PSORS1C2: variants seen among roughly 807,000 people sequenced by gnomAD.
PSORS1C2 encodes psoriasis susceptibility 1 candidate 2, also known as psoriasis susceptibility 1 candidate gene 2 protein.
A neutral mutation model predicts 12.2 loss-of-function variants in PSORS1C2; 13 were observed. That is an observed-to-expected ratio of 1.07 (90% CI 0.70 to 1.70). The LOEUF is 1.70. Among genes scored for constraint, PSORS1C2 ranks in the 40% most tolerant of loss-of-function variants. PSORS1C2 has a pLI of 0.00. For synonymous variants in PSORS1C2, 76 were observed against 69.2 expected (o/e 1.10, Z -0.49); for missense variants, 186 against 173.4 (o/e 1.07, Z -0.41).
At chr6:31,138,865 C>T (rs1773306032) in intron 1 of PSORS1C2, 107 bp downstream of exon 1, 2 of 1,603,280 alleles carry the variant, frequency 1.2e-6, no homozygotes, top group East Asian at 4.5e-5. Flanking sequence ...GCACCTTCTG[C>T]GTCCCCTGAA....
At position 31,138,459 on chromosome 6, in the gene PSORS1C2, G is replaced by A. The variant is rs79592231; in HGVS notation, c.56-153C>T. ...AAAAAGTCACTCTCAAAGAGCTCTC[G>A]GTAGGTTTGTAAATACTTAACTGAT... is the stretch of plus-strand genomic sequence containing the variant. On this transcript the variant is annotated intron_variant, in intron 1 of 1. Transcript: ENST00000259845. 13,783 of 1,612,554 alleles carry A rather than the reference G, an allele frequency of 8.5e-3. 589 individuals are homozygous for A. The highest frequency in any genetic ancestry group is 0.079 in the East Asian group (3,551 of 44,852).
intron 1 of PSORS1C2, chr6:31,138,760 G>C (rs767159484): frequency 1.2e-6 from 2 of 1,614,058 alleles, no homozygotes; most frequent in South Asian, 2.2e-5. Context: ...TTGCCACATG[G>C]AGCCAGCAAA....
rs1389510582 is a variant in PSORS1C2, at chr6:31,138,068, G to A, written c.294C>T (p.Asp98=). The A allele has an allele frequency of 1.9e-6, 3 of 1,545,260 alleles. No individual in the cohort carries two copies. Among genetic ancestry groups the A allele is most frequent in the Non-Finnish European group, 2.6e-6 (3 of 1,148,736 alleles). The part of the protein sequence containing the change: ...RTDPPQPPRP[D]DPWPAGPQPP... Reference sequence around the variant, plus strand: ...GCTGGGGTCCTGCCGGCCAAGGGTCGTCAGGCCGGGGAGGTTGAGGAGGAT... The same window carrying A: ...GCTGGGGTCCTGCCGGCCAAGGGTCATCAGGCCGGGGAGGTTGAGGAGGAT... The change falls in exon 2 of 2, where the codon GAC becomes GAT. Residue 98 remains aspartate, a synonymous_variant. Transcript: ENST00000259845.
Position 31,137,574 on chromosome 6 carries a change from A to G in PSORS1C2, c.*377T>C, listed in dbSNP as rs1773204633. ...TTTTATTTTTCCGTTTCATGGAAGC[A>G]GCAGCTGTCTACTGATAGTTCCTGC... On this transcript the variant is annotated 3_prime_UTR_variant, in exon 2 of 2. Coordinates refer to ENST00000259845, the MANE Select transcript of PSORS1C2 (RefSeq NM_014069.3). 3.6e-6 allele frequency: 1 copy of G among 278,890 alleles called. No individual in the cohort carries two copies. Among genetic ancestry groups the G allele is most frequent in the African/African-American group, 2.2e-5 (1 of 45,868 alleles). 17.3% of individuals were successfully genotyped at this position (278,890 alleles called of 1,614,324 possible). A position where few individuals can be genotyped will look rare whatever the true frequency, so the allele number is the denominator to read the frequency against.
At chr6:31,138,786 G>A (rs779284063) in intron 1 of PSORS1C2, 186 bp downstream of exon 1, 12 of 1,613,974 alleles carry the variant, frequency 7.4e-6, no homozygotes, top group African/African-American at 1.3e-5. Flanking sequence ...TCTGGTGAGA[G>A]CCAAATGCAC....
At chr6:31,138,806 C>T in intron 1 of PSORS1C2, 166 bp downstream of exon 1, 1 of 1,613,998 alleles carries the variant, frequency 6.2e-7, no homozygotes, top group Non-Finnish European at 8.5e-7. Flanking sequence ...CCTTCTGCAC[C>T]ATGTCCCCCA....
intron 1 of PSORS1C2, chr6:31,138,537 C>A: frequency 6.2e-7 from 1 of 1,604,390 alleles, no homozygotes; most frequent in Non-Finnish European, 8.5e-7. Flanking sequence ...TTCACTTGAC[C>A]CACTTTAAAC....
Position 31,138,242 on chromosome 6 carries a change from G to A in PSORS1C2, c.120C>T (p.Ser40=). 6.4e-7 allele frequency: 1 copy of A among 1,567,826 alleles called. No homozygotes were observed. The highest frequency in any genetic ancestry group is 8.6e-7 in the Non-Finnish European group (1 of 1,158,368). The part of the protein sequence containing the change: ...PPAEDREEAG[S]PTLPQGPPVP... The stretch of plus-strand genomic sequence containing the variant: ...CTGGGGGGCCCTGAGGCAATGTTGG[G>A]GAGCCTGCCTCCTCTCGGTCCTCTG... The change falls in exon 2 of 2, where the codon TCC becomes TCT. Residue 40 remains serine (S), a synonymous_variant. Transcript: ENST00000259845.
chr6:31,137,959 A>C lies in PSORS1C2; in HGVS notation c.403T>G (p.Tyr135Asp). 1 of 1,483,250 alleles carries C rather than the reference A, an allele frequency of 6.7e-7. No homozygotes were observed. Among genetic ancestry groups the C allele is most frequent in the African/African-American group, 1.4e-5 (1 of 70,666 alleles). 91.9% of individuals were successfully genotyped at this position (1,483,250 alleles called of 1,614,324 possible). A position where few individuals can be genotyped will look rare whatever the true frequency, so the allele number is the denominator to read the frequency against. The stretch of plus-strand genomic sequence containing the variant: ...CGGCTGAGGGGACTCCATTATCTGT[A>C]CTCTTCCCGGGGTGGGTCTAGGTCT... ...EPDLDPPREE[Y>D]R Residue 135 changes from tyrosine (Y) to aspartate (D), a missense_variant, in exon 2 of 2, where the codon TAC becomes GAC. Physicochemically the swap from Tyr to Asp is radical, Grantham distance 160. Transcript: ENST00000259845.
At chr6:31,138,552 C>A in intron 1 of PSORS1C2, 1 of 1,607,036 alleles carries the variant, frequency 6.2e-7, no homozygotes, top group Non-Finnish European at 8.5e-7. Context: ...TTAAACTGAC[C>A]AGACTTCTCC....
intron 1 of PSORS1C2, 51 bp from the exon 2 acceptor site, chr6:31,138,357 A>AC: frequency 6.6e-7 from 1 of 1,525,880 alleles, no homozygotes; most frequent in Non-Finnish European, 9.1e-7. Flanking sequence ...TTCTCTCCCC[A>AC]GCCCCACCCA....
At chr6:31,138,593 A>C (rs1177447808) in intron 1 of PSORS1C2, 1 of 1,611,186 alleles carries the variant, frequency 6.2e-7, no homozygotes, top group South Asian at 1.1e-5. Context: ...TGGTTGGGGT[A>C]CCCCACTAGC....
chr6:31,138,486 G>A, intron 1 of PSORS1C2, 180 bp from the exon 2 acceptor site: 1 of 1,612,258 alleles, frequency 6.2e-7, no homozygotes, highest in South Asian at 1.1e-5. Context: ...TTAACTGATG[G>A]TAAAATGTCA....
intron 1 of PSORS1C2, chr6:31,138,586 T>C: frequency 6.2e-7 from 1 of 1,609,034 alleles, no homozygotes; most frequent in Admixed American, 1.7e-5. Context: ...CCACCCCTGG[T>C]TGGGGTACCC....
chr6:31,138,416 T>A lies in PSORS1C2; in HGVS notation c.56-110A>T, dbSNP rs759581361. On this transcript the variant is annotated intron_variant, in intron 1 of 1. Transcript: ENST00000259845. ...CTGTCTGGATGGACGCAGCCTGAAC[T>A]GACCCACAAACAGACCAAAAAAGTC... is the stretch of plus-strand genomic sequence containing the variant. The A allele has an allele frequency of 5.4e-6, 8 of 1,491,920 alleles. No homozygotes were observed. In the South Asian group the frequency reaches 5.6e-5, roughly 10 times the overall value. 92.4% of individuals were successfully genotyped at this position (1,491,920 alleles called of 1,614,324 possible).
chr6:31,138,147 G>C lies in PSORS1C2; in HGVS notation c.215C>G (p.Pro72Arg). 6.2e-7 allele frequency: 1 copy of C among 1,604,692 alleles called. No homozygotes were observed. The highest frequency in any genetic ancestry group is 1.1e-5 in the South Asian group (1 of 89,886). ...EDPPPTRPSR[P>R]WRDLPETGVW... ...TCCAGTTTCAGGCAGGTCTCTCCAG[G>C]GACGACTGGGGCGGGTAGGCGGAGG... Residue 72 changes from proline (P) to arginine (R), a missense_variant, in exon 2 of 2, where the codon CCC becomes CGC. Transcript: ENST00000259845.
Position 31,138,104 on chromosome 6 carries a change from C to G in PSORS1C2, c.258G>C (p.Pro86=). 1 of 1,600,886 alleles carries G rather than the reference C, an allele frequency of 6.2e-7. No homozygotes were observed. The highest frequency in any genetic ancestry group is 1.3e-5 in the African/African-American group (1 of 74,458). The change falls in exon 2 of 2, where the codon CCG becomes CCC. Residue 86 remains proline (P), a synonymous_variant. Coordinates refer to ENST00000259845, the MANE Select transcript of PSORS1C2 (RefSeq NM_014069.3). ...LPETGVWLPE[P]PRTDPPQPPR... is the part of the protein sequence containing the mutation. ...GAGGTTGAGGAGGATCCGTTCTAGG[C>G]GGTTCAGGGAGCCAGACTCCAGTTT...
Position 31,138,268 on chromosome 6 carries a change from C to A in PSORS1C2, c.94G>T (p.Ala32Ser), listed in dbSNP as rs1212450518. ...GAGCCTGCCTCCTCTCGGTCCTCTG[C>A]GGGTGGGTGAGAGGGGTGGCCCTCG... ...GSEGHPSHPPAEDREEAGSPT... is the reference protein window; with the variant it reads ...GSEGHPSHPPSEDREEAGSPT... The change falls in exon 2 of 2, where the codon GCA becomes TCA. Residue 32 changes from alanine to serine, a missense_variant. Transcript: ENST00000259845. 6.3e-7 allele frequency: 1 copy of A among 1,577,738 alleles called. No individual in the cohort carries two copies. The highest frequency in any genetic ancestry group is 8.6e-7 in the Non-Finnish European group (1 of 1,162,140).
intron 1 of PSORS1C2, 167 bp downstream of exon 1, chr6:31,138,805 C>G (rs758868096): frequency 6.2e-7 from 1 of 1,613,970 alleles, no homozygotes. Flanking sequence ...ACCTTCTGCA[C>G]CATGTCCCCC....
Sources: gnomAD v4.1 joint callset for allele counts on GRCh38, gnomAD v4.1.1 for gene constraint, MANE v1.5 for transcripts, NCBI Gene and HGNC (gene_info 2026-07-23, HGNC 2026-07-21) for gene names.